The following CFAP47 variants were observed in gnomAD, a reference collection of about 807,000 sequenced individuals.
CFAP47 encodes the protein cilia- and flagella-associated protein 47.
A neutral mutation model predicts 148.1 loss-of-function variants in CFAP47; 29 were observed. The observed-to-expected ratio is 0.20, with a 90% CI of 0.15 to 0.27. The LOEUF (loss-of-function observed/expected upper bound fraction) is 0.27, where lower values mean the gene tolerates loss of function less well. Ranked by LOEUF, CFAP47 falls within the 10% of genes least tolerant of loss-of-function variation. The pLI is 1.00. For missense variants in CFAP47, 1,872 were observed against 1,697.5 expected (o/e 1.10, Z -1.81); for synonymous variants, 664 against 577.3 (o/e 1.15, Z -2.15).
chrX:35,948,936 C>T lies in CFAP47; in HGVS notation c.656+484C>T, dbSNP rs139083021. ...GTGTTGCACACCAAGGCATCTTTGG[C>T]AATGTAGAATTAAAAAGATGGAGGT... is the stretch of plus-strand genomic sequence containing the variant. On this transcript the variant is annotated intron_variant, in intron 4 of 63. Transcript: ENST00000378653. Among the ~76,000 whole-genome samples, 619 of 110,109 alleles carry T rather than the reference C, an allele frequency of 5.6e-3. 6 individuals carry two copies. Among genetic ancestry groups the T allele is most frequent in the African/African-American group, 0.019 (566 of 30,169 alleles).
chrX:36,336,938 A>G (rs1271997368), intron 57 of CFAP47, among the ~76,000 whole-genome samples: 2 of 112,192 alleles, frequency 1.8e-5, no homozygotes, highest in Admixed American at 9.4e-5. Context: ...AAGTTTATCA[A>G]ATTACATTGG....
At chrX:36,066,178 A>T (rs1321963060) in intron 27 of CFAP47, among the ~76,000 whole-genome samples, 2 of 111,297 alleles carry the variant, frequency 1.8e-5, no homozygotes, top group Non-Finnish European at 3.8e-5. Context: ...TTGTGAGAGA[A>T]GCTAAGAATA....
intron 29 of CFAP47, 65 bp downstream of exon 29, chrX:36,073,429 T>C: frequency 1.4e-6 from 1 of 705,198 alleles, no homozygotes. Context: ...AATCTATTGA[T>C]TGAGATTATT....
At chrX:35,953,766 T>C in intron 7 of CFAP47, 47 bp downstream of exon 7, 2 of 1,031,788 alleles carry the variant, frequency 1.9e-6, no homozygotes, top group Non-Finnish European at 2.6e-6. Flanking sequence ...CCATTTAAAT[T>C]GTTTAAAAAT....
intron 18 of CFAP47, among the ~76,000 whole-genome samples, chrX:35,996,120 G>A (rs1936844879): frequency 9.0e-6 from 1 of 111,106 alleles, no homozygotes; most frequent in Admixed American, 9.6e-5. Flanking sequence ...GTCTTGGGTG[G>A]TGAATAAGCT....
intron 51 of CFAP47, among the ~76,000 whole-genome samples, chrX:36,291,916 A>G (rs1054712678): frequency 2.2e-4 from 25 of 111,399 alleles, no homozygotes; most frequent in African/African-American, 8.1e-4. Flanking sequence ...GTGGAATACT[A>G]TCTTAAACAG....
intron 21 of CFAP47, among the ~76,000 whole-genome samples, chrX:36,003,402 GT>G (rs1280554767): frequency 4.6e-4 from 45 of 97,854 alleles, no homozygotes; most frequent in East Asian, 1.3e-3. Context: ...TAGCCTTATT[GT>G]TTTTTTTTTT....
At chrX:35,989,271 C>T in intron 15 of CFAP47, 48 bp from the exon 16 acceptor site, 1 of 971,236 alleles carries the variant, frequency 1.0e-6, no homozygotes, top group Non-Finnish European at 1.4e-6. Context: ...AAAAGAAATA[C>T]AATTAAAATG....
In CFAP47 at chrX:36,319,203, A is replaced by T; in HGVS notation, c.8345-6A>T. 1 of 1,011,292 alleles carries T rather than the reference A, an allele frequency of 9.9e-7. No homozygotes were observed. The highest frequency in any genetic ancestry group is 1.3e-6 in the Non-Finnish European group (1 of 748,274). 83.3% of individuals were successfully genotyped at this position (1,011,292 alleles called of 1,213,427 possible). On this transcript the variant is annotated splice_polypyrimidine_tract_variant and splice_region_variant and intron_variant, in intron 56 of 63. Transcript: ENST00000378653. ...GAAGTGTAATATCTCTTTATTTTTT[A>T]ATTAGGTGTGGAACATCCCAGGAAT...
chrX:36,271,150 C>T, intron 49 of CFAP47, among the ~76,000 whole-genome samples: 1 of 111,665 alleles, frequency 9.0e-6, no homozygotes, highest in African/African-American at 3.2e-5. Context: ...TATAGTCTTG[C>T]TTCAATGATT....
intron 37 of CFAP47, among the ~76,000 whole-genome samples, chrX:36,149,874 G>T (rs1452663414): frequency 9.1e-6 from 1 of 109,889 alleles, no homozygotes; most frequent in African/African-American, 3.3e-5. Context: ...CTCCCAAAGT[G>T]CTGGGATTAC....
chrX:35,934,213 G>A (rs897296420), intron 2 of CFAP47, among the ~76,000 whole-genome samples: 5 of 110,954 alleles, frequency 4.5e-5, no homozygotes, highest in Non-Finnish European at 9.4e-5. Flanking sequence ...AGGGACTGGG[G>A]TAAAGTACCT....
At chrX:35,968,238 A>C (rs2146661599) in intron 10 of CFAP47, among the ~76,000 whole-genome samples, 1 of 111,102 alleles carries the variant, frequency 9.0e-6, no homozygotes, top group African/African-American at 3.3e-5. Flanking sequence ...TGTGTAAAAC[A>C]ATCATGGTTA....
At chrX:36,150,172 C>A (rs1939291313) in intron 37 of CFAP47, among the ~76,000 whole-genome samples, 1 of 110,689 alleles carries the variant, frequency 9.0e-6, no homozygotes, top group Non-Finnish European at 1.9e-5. Flanking sequence ...TCATTTTTAT[C>A]TAATTGTGTT....
At chrX:35,978,893 C>T (rs1569222619) in intron 15 of CFAP47, among the ~76,000 whole-genome samples, 1 of 111,567 alleles carries the variant, frequency 9.0e-6, no homozygotes, top group Non-Finnish European at 1.9e-5. Flanking sequence ...TGTCTTTGTC[C>T]TTCTTCCCTG....
chrX:36,214,461 ATAAAT>A, intron 45 of CFAP47, among the ~76,000 whole-genome samples: 1 of 111,118 alleles, frequency 9.0e-6, no homozygotes, highest in Middle Eastern at 4.6e-3. Flanking sequence ...ATTTTATATA[ATAAAT>A]TAATCTTGGC....
intron 37 of CFAP47, among the ~76,000 whole-genome samples, chrX:36,155,420 T>G (rs1345811693): frequency 8.9e-6 from 1 of 111,777 alleles, no homozygotes; most frequent in African/African-American, 3.2e-5. Flanking sequence ...CCATTCTGCT[T>G]TTATGCCCAA....
chrX:36,306,860 A>G lies in CFAP47; in HGVS notation c.8171A>G (p.Asn2724Ser). The G allele has an allele frequency of 8.9e-7, 1 of 1,126,878 alleles. No homozygotes were observed. Among genetic ancestry groups the G allele is most frequent in the Non-Finnish European group, 1.2e-6 (1 of 838,934 alleles). The allele number at this position is 1,126,878 out of a possible 1,213,427, so 92.9% of individuals were successfully genotyped here. ...AGAGCTGATCATCAAGCTTGCATCAACTTCTACTGTACTCAGGTATGATAG... is the reference window on the plus strand; with the variant it reads ...AGAGCTGATCATCAAGCTTGCATCAGCTTCTACTGTACTCAGGTATGATAG... ...LGRADHQACI[N>S]FYCTQFTEWK... The change falls in exon 55 of 64, where the codon AAC (asparagine) becomes AGC (serine). Residue 2724 changes from asparagine (N) to serine (S), a missense_variant. Transcript: ENST00000378653.
At chrX:35,994,963 C>T (rs1159664062) in intron 18 of CFAP47, among the ~76,000 whole-genome samples, 1 of 111,693 alleles carries the variant, frequency 9.0e-6, no homozygotes, top group Non-Finnish European at 1.9e-5. Flanking sequence ...TTAAAATACA[C>T]TATCATAAGT....
Sources: allele counts gnomAD v4.1 joint callset (sites outside exome capture counted in the v4.1 genomes callset), GRCh38; gene constraint gnomAD v4.1.1; transcripts MANE v1.5; gene names NCBI Gene and HGNC (gene_info 2026-07-23, HGNC 2026-07-21).